The following CSNK1G1 variants were observed in gnomAD, a reference collection of about 807,000 sequenced individuals.
The protein encoded by CSNK1G1 is casein kinase I isoform gamma-1.
In CSNK1G1, 22 loss-of-function variants were observed where a neutral mutation model predicts 59.6. The ratio of observed to expected loss-of-function variants is 0.37; its 90% CI spans 0.26 to 0.53. CSNK1G1 has a LOEUF of 0.53. CSNK1G1 is among the 20% of genes least tolerant of loss of function. The pLI is 0.89. For missense variants in CSNK1G1, 384 were observed against 519.5 expected, an observed-to-expected ratio of 0.74 and a Z score of 2.54; for synonymous variants, 179 against 177.1, an observed-to-expected ratio of 1.01 and a Z score of -0.08.
intron 2 of CSNK1G1, among the ~76,000 whole-genome samples, chr15:64,284,517 T>C (rs1894306447): frequency 6.6e-6 from 1 of 152,168 alleles, no homozygotes; most frequent in Non-Finnish European, 1.5e-5. Context: ...TTTCAGAGTA[T>C]AAATTTTGTA....
At position 64,275,973 on chromosome 15, in the gene CSNK1G1, T is replaced by G. The variant is rs550382063; in HGVS notation, c.182-16732A>C. Among the ~76,000 whole-genome samples the G allele has an allele frequency of 5.3e-5, 8 of 152,330 alleles. No individual in the cohort carries two copies. In the South Asian group the frequency reaches 6.2e-4, roughly 12 times the overall value. On this transcript the variant is annotated intron_variant, in intron 2 of 11. Coordinates refer to ENST00000303052, the MANE Select transcript of CSNK1G1 (RefSeq NM_022048.5). ...TTGCAATGAAAAGCTGGTCAGTGGC[T>G]GGACTAGTTTCTATATAACTTTCCT... is the stretch of plus-strand genomic sequence containing the variant.
chr15:64,203,694 TAAAAAA>T (rs531367701), intron 9 of CSNK1G1, among the ~76,000 whole-genome samples: 8 of 56,178 alleles, frequency 1.4e-4, no homozygotes, highest in African/African-American at 7.7e-5. Flanking sequence ...TGAAACTCCG[TAAAAAA>T]AAAAAAAAAA....
chr15:64,267,614 C>T (rs1893058797), intron 2 of CSNK1G1, among the ~76,000 whole-genome samples: 1 of 152,064 alleles, frequency 6.6e-6, no homozygotes, highest in Non-Finnish European at 1.5e-5. Context: ...AATGAGAAAC[C>T]ACCTCACTCC....
chr15:64,256,615 C>G (rs969040096), intron 3 of CSNK1G1, among the ~76,000 whole-genome samples: 1 of 151,784 alleles, frequency 6.6e-6, no homozygotes, highest in East Asian at 1.9e-4. Context: ...ATTAGCAGCA[C>G]AGGAGATTTT....
chr15:64,300,592 T>A lies in CSNK1G1; in HGVS notation c.-93A>T. ...AAAAGTATGTCCAAATAAATTGTAG[T>A]CAGAGAAAGGTAAGGAGTTCTTTTA... On this transcript the variant is annotated 5_prime_UTR_variant, in exon 2 of 12. The change abolishes the stop of an existing upstream ORF in the 5' untranslated region. Coordinates refer to ENST00000303052, the MANE Select transcript of CSNK1G1 (RefSeq NM_022048.5). 5.5e-6 allele frequency: 8 copies of A among 1,465,610 alleles called. No homozygotes were observed. The highest frequency in any genetic ancestry group is 7.2e-6 in the Non-Finnish European group (8 of 1,104,754). The allele number at this position is 1,465,610 out of a possible 1,614,324, so 90.8% of individuals were successfully genotyped here.
At chr15:64,230,852 T>C (rs1456042993) in intron 4 of CSNK1G1, among the ~76,000 whole-genome samples, 1 of 152,064 alleles carries the variant, frequency 6.6e-6, no homozygotes, top group Non-Finnish European at 1.5e-5. Flanking sequence ...TGGGTGACTG[T>C]AGTCCCAACT....
At chr15:64,181,137 A>G in intron 10 of CSNK1G1, 2 of 1,462,980 alleles carry the variant, frequency 1.4e-6, no homozygotes, top group Non-Finnish European at 1.8e-6. Flanking sequence ...CCTCTCCGAC[A>G]AGAGGGAAGA....
intron 1 of CSNK1G1, among the ~76,000 whole-genome samples, chr15:64,327,313 G>A (rs1264537382): frequency 1.7e-4 from 26 of 149,914 alleles, no homozygotes; most frequent in Admixed American, 3.3e-4. Flanking sequence ...CTCCCAGCAC[G>A]CAGCTGGAGA....
chr15:64,282,035 C>T (rs1894169809), intron 2 of CSNK1G1, among the ~76,000 whole-genome samples: 1 of 151,862 alleles, frequency 6.6e-6, no homozygotes, highest in South Asian at 2.1e-4. Context: ...AATCCTCTCA[C>T]TTTAGCCTCC....
chr15:64,223,042 T>C (rs747257275), intron 4 of CSNK1G1, among the ~76,000 whole-genome samples: 13 of 152,226 alleles, frequency 8.5e-5, no homozygotes, highest in Non-Finnish European at 1.8e-4. Context: ...GATGTAGCTG[T>C]AATTTATTAG....
At chr15:64,207,463 A>T in intron 7 of CSNK1G1, 46 bp downstream of exon 7, 1 of 1,392,066 alleles carries the variant, frequency 7.2e-7, no homozygotes, top group Non-Finnish European at 1.0e-6. Flanking sequence ...TTCATTAACA[A>T]CTGAGCATTG....
chr15:64,296,662 C>T (rs184251660), intron 2 of CSNK1G1, among the ~76,000 whole-genome samples: 73 of 151,974 alleles, frequency 4.8e-4, no homozygotes, highest in African/African-American at 1.7e-3. Flanking sequence ...GTCAGGAGTT[C>T]GAGACCAGCC....
intron 1 of CSNK1G1, among the ~76,000 whole-genome samples, chr15:64,343,208 A>ACACACACACACACACACACAC (rs5741730): frequency 9.1e-6 from 1 of 109,956 alleles, no homozygotes; most frequent in African/African-American, 3.4e-5. Flanking sequence ...GCAAAACTCC[A>ACACACACACACACACACACAC]ACACACACAC....
intron 10 of CSNK1G1, among the ~76,000 whole-genome samples, chr15:64,187,762 A>G (rs1414316503): frequency 6.6e-6 from 1 of 152,248 alleles, no homozygotes; most frequent in Non-Finnish European, 1.5e-5. Context: ...AAGATTATTA[A>G]AAACATTCAC....
chr15:64,224,516 T>A (rs1396509189), intron 4 of CSNK1G1, among the ~76,000 whole-genome samples: 2 of 152,234 alleles, frequency 1.3e-5, no homozygotes, highest in African/African-American at 2.4e-5. Flanking sequence ...GTAGTATATC[T>A]TTTTTAAAAA....
At chr15:64,347,492 T>C (rs1316033178) in intron 1 of CSNK1G1, among the ~76,000 whole-genome samples, 1 of 151,278 alleles carries the variant, frequency 6.6e-6, no homozygotes, top group Non-Finnish European at 1.5e-5. Context: ...GGCTTGCACC[T>C]GTAGTCCAAG....
chr15:64,333,853 A>G (rs1897244897), intron 1 of CSNK1G1, among the ~76,000 whole-genome samples: 1 of 152,230 alleles, frequency 6.6e-6, no homozygotes, highest in African/African-American at 2.4e-5. Flanking sequence ...AGATTTTACA[A>G]TCTTAAACAT....
intron 10 of CSNK1G1, among the ~76,000 whole-genome samples, chr15:64,186,151 G>A (rs942565224): frequency 2.0e-5 from 3 of 152,086 alleles, no homozygotes; most frequent in Non-Finnish European, 4.4e-5. Context: ...GTGTCGCCCA[G>A]GCTGGAGTGC....
intron 1 of CSNK1G1, among the ~76,000 whole-genome samples, chr15:64,355,750 G>C (rs1482807720): frequency 1.3e-5 from 2 of 152,070 alleles, no homozygotes; most frequent in African/African-American, 4.8e-5. Flanking sequence ...TTCTCGGAAG[G>C]GGCGCCTCCT....
Sources: allele counts gnomAD v4.1 joint callset (sites outside exome capture counted in the v4.1 genomes callset), GRCh38; gene constraint gnomAD v4.1.1; transcripts MANE v1.5; gene names NCBI Gene and HGNC (gene_info 2026-07-23, HGNC 2026-07-21).